Variants in KIAA0319 observed in about 807,000 individuals in gnomAD.
The protein encoded by KIAA0319 is KIAA0319, also known as dyslexia-associated protein KIAA0319.
A neutral mutation model predicts 108.4 loss-of-function variants in KIAA0319; 83 were observed. The ratio of observed to expected loss-of-function variants is 0.77; its 90% CI spans 0.64 to 0.92. The LOEUF (loss-of-function observed/expected upper bound fraction) is 0.92, where lower values mean the gene tolerates loss of function less well. KIAA0319 is among the 40% of genes least tolerant of loss of function. The pLI is 0.00. For synonymous variants in KIAA0319, 484 were observed against 510.4 expected (o/e 0.95, Z 0.70); for missense variants, 1,195 against 1,322.4 (o/e 0.90, Z 1.49).
intron 1 of KIAA0319, among the ~76,000 whole-genome samples, chr6:24,641,314 A>G (rs1366612955): frequency 6.6e-6 from 1 of 152,270 alleles, no homozygotes; most frequent in Non-Finnish European, 1.5e-5. Context: ...ATCAATGGAC[A>G]TAACATTTAA....
intron 2 of KIAA0319, chr6:24,598,985 G>C: frequency 1.5e-6 from 1 of 669,284 alleles, no homozygotes; most frequent in Non-Finnish European, 2.8e-6. Context: ...AGCTGGAGGA[G>C]TCTCGCCTGG....
At chr6:24,542,706 C>G (rs1189731642), downstream of KIAA0319, among the ~76,000 whole-genome samples, 1 of 152,210 alleles carries the variant, frequency 6.6e-6, no homozygotes, top group Non-Finnish European at 1.5e-5. Context: ...CAGAGCAAGA[C>G]CCTGTCTCAA....
chr6:24,570,689 G>T (rs924733253), intron 11 of KIAA0319, among the ~76,000 whole-genome samples: 2 of 150,228 alleles, frequency 1.3e-5, no homozygotes, highest in African/African-American at 4.9e-5. Context: ...AGGAAGGAAG[G>T]GAGGGAGGAA....
intron 1 of KIAA0319, among the ~76,000 whole-genome samples, chr6:24,613,617 AAGCACAAAC>A (rs1426190987): frequency 6.6e-6 from 1 of 152,054 alleles, no homozygotes; most frequent in Non-Finnish European, 1.5e-5. Flanking sequence ...CACTTAATGT[AAGCACAAAC>A]AACTGGTTAA....
chr6:24,569,410 A>T (rs1173981809), intron 12 of KIAA0319, among the ~76,000 whole-genome samples: 1 of 152,226 alleles, frequency 6.6e-6, no homozygotes, highest in Admixed American at 6.5e-5. Flanking sequence ...TATCTGGGCA[A>T]CCTTAGTCTG....
At chr6:24,595,342 C>T (rs910324859) in intron 3 of KIAA0319, among the ~76,000 whole-genome samples, 3 of 151,936 alleles carry the variant, frequency 2.0e-5, no homozygotes, top group African/African-American at 7.3e-5. Flanking sequence ...GTCAGGAGAT[C>T]TAGACCATCC....
chr6:24,642,249 A>G (rs1777051092), intron 1 of KIAA0319, among the ~76,000 whole-genome samples: 1 of 151,704 alleles, frequency 6.6e-6, no homozygotes, highest in Non-Finnish European at 1.5e-5. Flanking sequence ...AAAAAAGAAA[A>G]GAAAGAAAGG....
chr6:24,585,904 C>T (rs1459973033), intron 4 of KIAA0319, among the ~76,000 whole-genome samples: 1 of 152,122 alleles, frequency 6.6e-6, no homozygotes, highest in Admixed American at 6.5e-5. Flanking sequence ...GGCTGGCCAA[C>T]ACGGAGAAAC....
At position 24,579,961 on chromosome 6, in the gene KIAA0319, A is replaced by G; in HGVS notation, c.1280-11T>C. On this transcript the variant is annotated splice_polypyrimidine_tract_variant and intron_variant, in intron 7 of 20. Transcript: ENST00000378214. Reference sequence around the variant, plus strand: ...GGTTGACTCTTCTGGCTGTAACAAAAAAAAGGACAGTGACTGAGCCCATCT... The same window carrying G: ...GGTTGACTCTTCTGGCTGTAACAAAGAAAAGGACAGTGACTGAGCCCATCT... 6.3e-7 allele frequency: 1 copy of G among 1,577,976 alleles called. No homozygotes were observed. Among genetic ancestry groups the G allele is most frequent in the Non-Finnish European group, 8.6e-7 (1 of 1,159,100 alleles).
chr6:24,616,427 G>A (rs9379672), intron 1 of KIAA0319, among the ~76,000 whole-genome samples: 10,680 of 152,140 alleles, frequency 0.07, 1,060 homozygotes, highest in East Asian at 0.44. Flanking sequence ...GCGCCATCTC[G>A]GCTCACTGAA....
At chr6:24,592,054 T>C (rs914257640) in intron 3 of KIAA0319, among the ~76,000 whole-genome samples, 1 of 152,238 alleles carries the variant, frequency 6.6e-6, no homozygotes, top group Non-Finnish European at 1.5e-5. Flanking sequence ...AATTCAAATT[T>C]ACCATTTTTC....
chr6:24,582,179 A>T, intron 6 of KIAA0319, 70 bp downstream of exon 6: 1 of 873,060 alleles, frequency 1.1e-6, no homozygotes, highest in Non-Finnish European at 2.0e-6. Flanking sequence ...TTCAGTAGCT[A>T]AGAAGGTATT....
chr6:24,630,521 A>G (rs2127585524), intron 1 of KIAA0319, among the ~76,000 whole-genome samples: 1 of 149,684 alleles, frequency 6.7e-6, no homozygotes, highest in African/African-American at 2.4e-5. Context: ...AAAAAAAAAA[A>G]AAAAAAAAAA....
chr6:24,634,488 A>G (rs1461331126), intron 1 of KIAA0319, among the ~76,000 whole-genome samples: 1 of 152,244 alleles, frequency 6.6e-6, no homozygotes, highest in African/African-American at 2.4e-5. Flanking sequence ...GTAAGTTTTA[A>G]TGTGGCTCAA....
rs1401427580 is a variant in KIAA0319, at chr6:24,597,784, G to A, written c.56-1166C>T. Among the ~76,000 whole-genome samples the A allele has an allele frequency of 2.6e-5, 4 of 151,802 alleles. No homozygotes were observed. In the East Asian group the frequency reaches 7.7e-4, roughly 29 times the overall value. ...AAAGATAAAGAAGGCTGAGTGTGAT[G>A]GTTCACACCTGTAATCCCAGCACTT... On this transcript the variant is annotated intron_variant, in intron 2 of 20. Transcript: ENST00000378214.
intron 3 of KIAA0319, among the ~76,000 whole-genome samples, chr6:24,592,734 G>T (rs1228836415): frequency 6.6e-6 from 1 of 152,194 alleles, no homozygotes; most frequent in African/African-American, 2.4e-5. Context: ...ATTTTGGGAG[G>T]CCAAGGCAGG....
chr6:24,564,065 A>G (rs1456360309), intron 15 of KIAA0319, 137 bp downstream of exon 15: 4 of 924,442 alleles, frequency 4.3e-6, no homozygotes, highest in Non-Finnish European at 6.6e-6. Context: ...TGTAAGAGAC[A>G]TCCTCAAAGT....
rs571235127 is a variant in KIAA0319, at chr6:24,554,743, T to A, written c.2858-112A>T. The A allele has an allele frequency of 1.9e-5, 14 of 750,184 alleles. No individual in the cohort carries two copies. In the South Asian group the frequency reaches 2.1e-4, roughly 11 times the overall value. 46.5% of individuals were successfully genotyped at this position (750,184 alleles called of 1,614,324 possible). ...AATCCCTACAAGGAAAGGCCACCTG[T>A]GGAGTTGATAACATCAGACTGGTAG... is the stretch of plus-strand genomic sequence containing the variant. On this transcript the variant is annotated intron_variant, in intron 18 of 20. Coordinates refer to ENST00000378214, the MANE Select transcript of KIAA0319 (RefSeq NM_014809.4).
chr6:24,579,412 GATAT>G lies in KIAA0319; in HGVS notation c.1372+442_1372+445del, dbSNP rs3840133. On this transcript the variant is annotated intron_variant, in intron 8 of 20. Transcript: ENST00000378214. ...GGTCACGGGAGCTCCTCTATATAAA[GATAT>G]ATATATATATATATATCTTATATAT... 8.8e-3 allele frequency among the ~76,000 whole-genome samples: 1,124 copies of G among 127,238 alleles called. 53 individuals are homozygous for G. Among genetic ancestry groups the G allele is most frequent in the African/African-American group, 0.034 (1,056 of 31,448 alleles). 83.5% of individuals were successfully genotyped at this position (127,238 alleles called of 152,430 possible). A position where few individuals can be genotyped will look rare whatever the true frequency, so the allele number is the denominator to read the frequency against.
Sources: gnomAD v4.1 joint callset for allele counts (sites outside exome capture counted in the v4.1 genomes callset) on GRCh38, gnomAD v4.1.1 for gene constraint, MANE v1.5 for transcripts, NCBI Gene and HGNC (gene_info 2026-07-23, HGNC 2026-07-21) for gene names.